The following RAB28 variants were observed in gnomAD, a reference collection of about 807,000 sequenced individuals.
RAB28 encodes the protein ras-related protein Rab-28.
A neutral mutation model predicts 31.7 loss-of-function variants in RAB28; 24 were observed. The observed-to-expected ratio is 0.76, with a 90% confidence interval of 0.55 to 1.06. The LOEUF is 1.06. Among genes scored for constraint, RAB28 ranks in the 50% least tolerant of loss-of-function variants. The pLI is 0.00. For missense variants in RAB28, 254 were observed against 258.5 expected (o/e 0.98, Z 0.12); for synonymous variants, 100 against 90.4 (o/e 1.11, Z -0.60).
chr4:13,426,201 A>G (rs1488537170), intron 4 of RAB28, among the ~76,000 whole-genome samples: 2 of 152,154 alleles, frequency 1.3e-5, no homozygotes, highest in East Asian at 3.9e-4. Flanking sequence ...CAAAATTCTC[A>G]TGAGATTTTC....
chr4:13,376,514 A>T lies in RAB28; in HGVS notation c.573+31T>A, dbSNP rs758179090. The T allele has an allele frequency of 6.0e-6, 9 of 1,506,408 alleles. No individual in the cohort carries two copies. In the South Asian group the frequency reaches 6.2e-5, roughly 10 times the overall value. The allele number at this position is 1,506,408 out of a possible 1,614,324, so 93.3% of individuals were successfully genotyped here. A position where few individuals can be genotyped will look rare whatever the true frequency, so the allele number is the denominator to read the frequency against. On this transcript the variant is annotated intron_variant, in intron 6 of 6. Transcript: ENST00000330852. ...TTAATGCCTTGTAAGAAATTCATTA[A>T]TTTTTTAAATATAAAGTTCAAGGTA...
At chr4:13,370,009 T>TAAAAAAAAAAAAAAAAAAAAAAAAATA in intron 6 of RAB28, 1 of 1,233,892 alleles carries the variant, frequency 8.1e-7, no homozygotes, top group Non-Finnish European at 1.1e-6. Flanking sequence ...AAAAAAGAAT[T>TAAAAAAAAAAAAAAAAAAAAAAAAATA]AAAAAAAAAA....
At chr4:13,398,806 T>C (rs539004402) in intron 4 of RAB28, among the ~76,000 whole-genome samples, 1 of 151,132 alleles carries the variant, frequency 6.6e-6, no homozygotes, top group Non-Finnish European at 1.5e-5. Context: ...ATTGCCTCAA[T>C]TAGGCAATTA....
chr4:13,391,417 G>C (rs1262989633), intron 4 of RAB28, among the ~76,000 whole-genome samples: 3 of 152,198 alleles, frequency 2.0e-5, no homozygotes, highest in African/African-American at 7.2e-5. Context: ...AGATGCTGGA[G>C]ACAATGTGGA....
intron 1 of RAB28, among the ~76,000 whole-genome samples, chr4:13,482,979 C>A (rs1716679306): frequency 6.6e-6 from 1 of 152,122 alleles, no homozygotes; most frequent in Non-Finnish European, 1.5e-5. Context: ...AAGCCTTAAA[C>A]AGGAAATAAA....
intron 3 of RAB28, 58 bp downstream of exon 3, chr4:13,474,260 A>C: frequency 9.0e-7 from 1 of 1,109,542 alleles, no homozygotes; most frequent in Non-Finnish European, 1.4e-6. Flanking sequence ...GTAGATTTGC[A>C]TGTGTGCTTG....
intron 4 of RAB28, among the ~76,000 whole-genome samples, chr4:13,382,694 T>TC (rs1729184289): frequency 3.1e-4 from 2 of 6,496 alleles, no homozygotes; most frequent in Non-Finnish European, 5.9e-4. Flanking sequence ...AAATATGGAA[T>TC]TTTTTTTTTT....
chr4:13,435,430 T>C (rs1714045142), intron 4 of RAB28, among the ~76,000 whole-genome samples: 1 of 151,708 alleles, frequency 6.6e-6, no homozygotes, highest in Non-Finnish European at 1.5e-5. Context: ...AAAGGATAAA[T>C]GAAACTGAAA....
chr4:13,463,433 C>T (rs1188678973), intron 3 of RAB28, among the ~76,000 whole-genome samples: 1 of 152,114 alleles, frequency 6.6e-6, no homozygotes, highest in Non-Finnish European at 1.5e-5. Context: ...TGTAGATAAA[C>T]TTTTACTGAA....
At chr4:13,380,238 T>A (rs1729074236) in intron 5 of RAB28, among the ~76,000 whole-genome samples, 1 of 152,046 alleles carries the variant, frequency 6.6e-6, no homozygotes, top group South Asian at 2.1e-4. Context: ...AAAGAAAGAA[T>A]AAACCCCCAT....
chr4:13,483,024 G>A (rs1204187414), intron 1 of RAB28, among the ~76,000 whole-genome samples: 1 of 152,172 alleles, frequency 6.6e-6, no homozygotes, highest in African/African-American at 2.4e-5. Flanking sequence ...TTGGGATAAG[G>A]AAGGGGAGTA....
Position 13,423,254 on chromosome 4 carries a change from G to A in RAB28, c.391+37445C>T, listed in dbSNP as rs149797386. Among the ~76,000 whole-genome samples, 1,058 of 152,240 alleles carry A rather than the reference G, an allele frequency of 6.9e-3. 12 individuals carry two copies. Among genetic ancestry groups the A allele is most frequent in the African/African-American group, 0.024 (1,003 of 41,534 alleles). On this transcript the variant is annotated intron_variant, in intron 4 of 6. Coordinates refer to ENST00000330852, the MANE Select transcript of RAB28 (RefSeq NM_001017979.3). ...GTTGTAACCTTTAAAAAAGGTGAGA[G>A]GCCAGGCGCAGTGGCTCACGGCTGT...
chr4:13,400,571 A>C (rs1006862711), intron 4 of RAB28, among the ~76,000 whole-genome samples: 1 of 152,084 alleles, frequency 6.6e-6, no homozygotes, highest in Admixed American at 6.5e-5. Context: ...GCAGTTTTAT[A>C]ATAGCTAGGA....
chr4:13,380,728 C>T (rs1417064838), intron 5 of RAB28, among the ~76,000 whole-genome samples: 3 of 151,978 alleles, frequency 2.0e-5, no homozygotes, highest in Non-Finnish European at 4.4e-5. Flanking sequence ...TTTCAATCTC[C>T]TTTCAAGGAA....
At chr4:13,469,320 T>C (rs1716011272) in intron 3 of RAB28, among the ~76,000 whole-genome samples, 1 of 152,060 alleles carries the variant, frequency 6.6e-6, no homozygotes, top group East Asian at 1.9e-4. Flanking sequence ...ACCACATATC[T>C]GACATTTATC....
chr4:13,446,530 T>C (rs1365416630), intron 4 of RAB28, among the ~76,000 whole-genome samples: 1 of 152,120 alleles, frequency 6.6e-6, no homozygotes, highest in Non-Finnish European at 1.5e-5. Context: ...CCATGGATTG[T>C]AAAAATCTGT....
At chr4:13,370,022 A>G in intron 6 of RAB28, 1 of 1,567,020 alleles carries the variant, frequency 6.4e-7, no homozygotes, top group Non-Finnish European at 8.6e-7. Flanking sequence ...AAAAAAAAAG[A>G]CAAAATGGAA....
chr4:13,435,687 T>C (rs1305533373), intron 4 of RAB28, among the ~76,000 whole-genome samples: 1 of 152,106 alleles, frequency 6.6e-6, no homozygotes, highest in Admixed American at 6.5e-5. Flanking sequence ...TAAATTAAAG[T>C]CCTGAACAGA....
chr4:13,468,380 C>G (rs929224808), intron 3 of RAB28, among the ~76,000 whole-genome samples: 2 of 151,922 alleles, frequency 1.3e-5, no homozygotes, highest in African/African-American at 4.8e-5. Flanking sequence ...AGAAATCACA[C>G]AAACCACATT....
Sources: allele counts gnomAD v4.1 joint callset (sites outside exome capture counted in the v4.1 genomes callset), GRCh38; gene constraint gnomAD v4.1.1; transcripts MANE v1.5; gene names NCBI Gene and HGNC (gene_info 2026-07-23, HGNC 2026-07-21).